ARSF: variants seen among roughly 807,000 people sequenced by gnomAD.
ARSF encodes the protein arylsulfatase F.
In ARSF, 33 loss-of-function variants were observed where a neutral mutation model predicts 35.4. The ratio of observed to expected loss-of-function variants is 0.93; its 90% CI spans 0.71 to 1.25. The LOEUF is 1.25. Ranked by LOEUF, ARSF falls within the 50% of genes most tolerant of loss-of-function variation. ARSF has a pLI of 0.00. For synonymous variants in ARSF, 222 were observed against 193.1 expected, an observed-to-expected ratio of 1.15 and a Z score of -1.24; for missense variants, 501 against 480.2, an observed-to-expected ratio of 1.04 and a Z score of -0.40.
chrX:3,103,297 A>G lies in ARSF; in HGVS notation c.1103-465A>G, dbSNP rs1227446520. Among the ~76,000 whole-genome samples the G allele has an allele frequency of 8.1e-5, 9 of 111,720 alleles. No individual in the cohort carries two copies. The Admixed American group carries it at 8.6e-4, about 11-fold the overall frequency. The stretch of plus-strand genomic sequence containing the variant: ...TAGAAGGTGGCTGTAAATAAGAAAA[A>G]ACACGAGAGTAAAGAATTCTGGGGT... On this transcript the variant is annotated intron_variant, in intron 8 of 10. Transcript: ENST00000381127.
chrX:3,060,969 C>T (rs1456855518), intron 1 of ARSF, among the ~76,000 whole-genome samples: 3 of 110,978 alleles, frequency 2.7e-5, no homozygotes, highest in African/African-American at 9.8e-5. Context: ...GAGAAAGCCA[C>T]AAAGATACTC....
rs5939165 is a variant in ARSF at position 3,100,884 on chromosome X, C to T, written c.968-203C>T. ...TGCTGGGATTACAGGCATGAGCCAC[C>T]GCGCCCGGCCTGACTCTCAGTTTTT... On this transcript the variant is annotated intron_variant, in intron 7 of 10. Coordinates refer to ENST00000381127, the MANE Select transcript of ARSF (RefSeq NM_001201539.2). 4.8e-3 allele frequency among the ~76,000 whole-genome samples: 538 copies of T among 111,110 alleles called. 1 individual carries two copies. The highest frequency in any genetic ancestry group is 8.5e-3 in the Non-Finnish European group (451 of 52,991).
chrX:3,090,822 T>C lies in ARSF; in HGVS notation c.967+1190T>C, dbSNP rs1003527742. On this transcript the variant is annotated intron_variant, in intron 7 of 10. Coordinates refer to ENST00000381127, the MANE Select transcript of ARSF (RefSeq NM_001201539.2). ...TTCCATGGTGTATACGTACCACATTTTCTTTATCCAATCCACCATTGATGG... is the reference window on the plus strand; with the variant it reads ...TTCCATGGTGTATACGTACCACATTCTCTTTATCCAATCCACCATTGATGG... Among the ~76,000 whole-genome samples, 11 of 112,226 alleles carry C rather than the reference T, an allele frequency of 9.8e-5. No homozygotes were observed. The Admixed American group carries it at 1.0e-3, about 11-fold the overall frequency.
At chrX:3,051,226 A>C (rs1284877073) in intron 1 of ARSF, among the ~76,000 whole-genome samples, 1 of 111,671 alleles carries the variant, frequency 9.0e-6, no homozygotes, top group East Asian at 2.8e-4. Context: ...TGGCTGAACC[A>C]ATGTCCATCT....
intron 1 of ARSF, among the ~76,000 whole-genome samples, chrX:3,047,152 A>G (rs1276265354): frequency 9.1e-6 from 1 of 110,405 alleles, no homozygotes; most frequent in African/African-American, 3.3e-5. Context: ...AATGGGTTGT[A>G]AGAATGACTA....
rs140413167 is a variant in ARSF, at chrX:3,101,205, G to T, written c.1086G>T (p.Trp362Cys). The change falls in exon 8 of 11, where the codon TGG becomes TGT. Residue 362 changes from tryptophan (W) to cysteine (C), a missense_variant. Trp to Cys is a radical substitution (Grantham distance 215). Coordinates refer to ENST00000381127, the MANE Select transcript of ARSF (RefSeq NM_001201539.2). ...GAGGGCATGCCCAACTTGGTGGATG[G>T]AATGGAATATACAAAGGTGAGGAGA... ...ARRGHAQLGG[W>C]NGIYKGGKGM... The T allele has an allele frequency of 2.7e-4, 323 of 1,209,525 alleles. 2 individuals are homozygous for T. In the African/African-American group the frequency reaches 5.2e-3, roughly 20 times the overall value.
At chrX:3,051,852 G>A (rs990024014) in intron 1 of ARSF, among the ~76,000 whole-genome samples, 2 of 110,462 alleles carry the variant, frequency 1.8e-5, no homozygotes, top group African/African-American at 3.3e-5. Context: ...AATTAGCTGG[G>A]TGTGGTGGTG....
chrX:3,095,540 T>A (rs746369491), intron 7 of ARSF, among the ~76,000 whole-genome samples: 2 of 109,359 alleles, frequency 1.8e-5, no homozygotes, highest in South Asian at 7.7e-4. Flanking sequence ...CATGTATACA[T>A]CAGTACCATA....
chrX:3,076,559 T>TCGAC lies in ARSF; in HGVS notation c.176_179dup (p.Leu61ProfsTer40). The TCGAC allele has an allele frequency of 1.7e-6, 2 of 1,204,997 alleles. No individual in the cohort carries two copies. Among genetic ancestry groups the TCGAC allele is most frequent in the Non-Finnish European group, 2.2e-6 (2 of 892,535 alleles). On this transcript the variant is annotated frameshift_variant, in exon 4 of 11. Coordinates refer to ENST00000381127, the MANE Select transcript of ARSF (RefSeq NM_001201539.2). LOFTEE classifies it high-confidence loss of function. ...CTCTCCCCCTTCAGGACGCCTCACA[T>TCGAC]CGACCGCCTTGCCAGGGAAGGCGTG...
chrX:3,109,608 G>GC (rs755425846), intron 9 of ARSF, among the ~76,000 whole-genome samples: 18 of 110,289 alleles, frequency 1.6e-4, no homozygotes, highest in African/African-American at 5.9e-4. Flanking sequence ...GCTTTTCGGA[G>GC]CCCCCCAGTG....
At position 3,081,000 on chromosome X, in the gene ARSF, C is replaced by T; in HGVS notation, c.393C>T (p.Ser131=). Residue 131 remains serine, a synonymous_variant, in exon 5 of 11, where the codon AGC becomes AGT. Transcript: ENST00000381127. ...LAALLKKQGY[S]TGLIGKWHQG... ...CCTTGCTAAAGAAGCAAGGATACAG[C>T]ACGGGGCTTATAGGTAAGACACAAG... 1 of 1,211,036 alleles carries T rather than the reference C, an allele frequency of 8.3e-7. No individual in the cohort carries two copies. The highest frequency in any genetic ancestry group is 1.1e-6 in the Non-Finnish European group (1 of 895,193).
At chrX:3,099,417 A>T (rs774033833) in intron 7 of ARSF, among the ~76,000 whole-genome samples, 2 of 111,553 alleles carry the variant, frequency 1.8e-5, no homozygotes, top group East Asian at 5.6e-4. Context: ...TCTGATCTGG[A>T]CAAAGACTGA....
chrX:3,071,291 TTTGTTGTTGTTGTTG>T (rs561564476), intron 2 of ARSF, among the ~76,000 whole-genome samples: 1 of 110,165 alleles, frequency 9.1e-6, no homozygotes, highest in Non-Finnish European at 1.9e-5. Flanking sequence ...GCAAGTGTCT[TTTGTTGTTGTTGTTG>T]TTGTTGTTGT....
intron 7 of ARSF, 104 bp from the exon 8 acceptor site, chrX:3,100,983 C>T (rs1462965688): frequency 1.3e-6 from 1 of 750,069 alleles, no homozygotes; most frequent in African/African-American, 2.1e-5. Flanking sequence ...GACATAGGGT[C>T]ACACCATCCT....
At chrX:3,083,716 A>G (rs375615895) in intron 5 of ARSF, among the ~76,000 whole-genome samples, 3 of 111,572 alleles carry the variant, frequency 2.7e-5, no homozygotes, top group African/African-American at 9.8e-5. Flanking sequence ...ATCTATCTAT[A>G]TATCTACCTA....
intron 6 of ARSF, 43 bp from the exon 7 acceptor site, chrX:3,089,453 A>C (rs778839009): frequency 2.6e-5 from 31 of 1,191,865 alleles, no homozygotes; most frequent in Non-Finnish European, 3.4e-5. Context: ...TCACATTCAT[A>C]GATATTGAAA....
intron 1 of ARSF, among the ~76,000 whole-genome samples, chrX:3,066,334 A>G (rs1224926939): frequency 9.0e-6 from 1 of 111,465 alleles, no homozygotes; most frequent in Non-Finnish European, 1.9e-5. Flanking sequence ...CATCTTCCAA[A>G]TTATACCCCA....
intron 7 of ARSF, among the ~76,000 whole-genome samples, chrX:3,097,321 G>A (rs1262782138): frequency 8.9e-6 from 1 of 112,104 alleles, no homozygotes; most frequent in Non-Finnish European, 1.9e-5. Flanking sequence ...TATAGTGTTA[G>A]TAATAGCAAA....
intron 7 of ARSF, among the ~76,000 whole-genome samples, chrX:3,093,524 T>G (rs917828705): frequency 2.7e-5 from 3 of 111,992 alleles, no homozygotes; most frequent in Non-Finnish European, 3.8e-5. Flanking sequence ...GTTTTCTTTT[T>G]CTGTGTTAAT....
Sources: gnomAD v4.1 joint callset for allele counts (sites outside exome capture counted in the v4.1 genomes callset) on GRCh38, gnomAD v4.1.1 for gene constraint, MANE v1.5 for transcripts, NCBI Gene and HGNC (gene_info 2026-07-23, HGNC 2026-07-21) for gene names.